Variants in PTK2 observed in about 807,000 individuals in gnomAD.
The protein encoded by PTK2 is protein tyrosine kinase 2.
Under a neutral mutation model 150.1 loss-of-function variants are expected in PTK2, and 45 were observed. The ratio of observed to expected loss-of-function variants is 0.30; its 90% CI spans 0.24 to 0.38. PTK2 has a LOEUF of 0.38. PTK2 is among the 10% of genes least tolerant of loss of function. The pLI, the probability that PTK2 is intolerant of heterozygous loss-of-function variation, is 1.00. For missense variants in PTK2, 919 were observed against 1,307.3 expected (o/e 0.70, Z 4.58); for synonymous variants, 432 against 449.2 (o/e 0.96, Z 0.48).
At chr8:140,953,820 C>T (rs181835056) in intron 1 of PTK2, among the ~76,000 whole-genome samples, 1 of 152,288 alleles carries the variant, frequency 6.6e-6, no homozygotes, top group Non-Finnish European at 1.5e-5. Flanking sequence ...GACTCTTGCT[C>T]TGTCACTCAG....
chr8:140,821,643 G>A (rs941587086), intron 8 of PTK2: 2 of 152,226 alleles, frequency 1.3e-5, no homozygotes, highest in African/African-American at 2.4e-5. Context: ...ACCAGCTGAA[G>A]TATTTAAATA....
intron 31 of PTK2, among the ~76,000 whole-genome samples, chr8:140,660,934 T>C (rs1446515867): frequency 1.3e-5 from 2 of 152,216 alleles, no homozygotes; most frequent in African/African-American, 2.4e-5. Context: ...GGTGCTTGGA[T>C]ACAAGGAGGA....
chr8:140,791,990 AG>A (rs2100088768), intron 13 of PTK2, among the ~76,000 whole-genome samples: 1 of 152,208 alleles, frequency 6.6e-6, no homozygotes, highest in Non-Finnish European at 1.5e-5. Context: ...ATATTTAATT[AG>A]GAAAGCTTCC....
At chr8:140,872,820 G>A (rs549258478) in intron 4 of PTK2, among the ~76,000 whole-genome samples, 67 of 152,322 alleles carry the variant, frequency 4.4e-4, no homozygotes, top group South Asian at 2.1e-4. Flanking sequence ...GTGTCATGCT[G>A]TATGTCATAT....
At chr8:140,749,022 T>C (rs1593617916) in intron 17 of PTK2, among the ~76,000 whole-genome samples, 1 of 152,240 alleles carries the variant, frequency 6.6e-6, no homozygotes, top group African/African-American at 2.4e-5. Context: ...ATAGCTGGTA[T>C]CGCCCATTGT....
intron 10 of PTK2, among the ~76,000 whole-genome samples, chr8:140,809,138 C>T (rs931475697): frequency 6.6e-6 from 1 of 151,808 alleles, no homozygotes; most frequent in African/African-American, 2.4e-5. Flanking sequence ...AAAATGGCCT[C>T]CAAAGTAAAC....
At chr8:140,788,707 C>G (rs2100086456) in intron 14 of PTK2, among the ~76,000 whole-genome samples, 1 of 152,062 alleles carries the variant, frequency 6.6e-6, no homozygotes, top group Non-Finnish European at 1.5e-5. Context: ...TCAAAATAAA[C>G]AGGAATTGGG....
At chr8:140,852,578 A>C (rs2100129984) in intron 5 of PTK2, among the ~76,000 whole-genome samples, 1 of 152,244 alleles carries the variant, frequency 6.6e-6, no homozygotes, top group South Asian at 2.1e-4. Context: ...GACTGTATAC[A>C]ATTGTCAAAA....
At chr8:140,910,405 G>A (rs879687072) in intron 2 of PTK2, among the ~76,000 whole-genome samples, 8 of 151,626 alleles carry the variant, frequency 5.3e-5, no homozygotes, top group East Asian at 1.9e-4. Flanking sequence ...TCAAAACTTC[G>A]TACATAATTT....
chr8:140,963,729 C>G (rs187166543), intron 1 of PTK2, among the ~76,000 whole-genome samples: 1 of 152,126 alleles, frequency 6.6e-6, no homozygotes, highest in African/African-American at 2.4e-5. Context: ...AACTGTGTTC[C>G]CTATTCTGCT....
intron 7 of PTK2, among the ~76,000 whole-genome samples, chr8:140,837,986 C>T (rs1012684324): frequency 4.7e-5 from 7 of 149,788 alleles, no homozygotes; most frequent in Admixed American, 4.7e-4. Context: ...TGCTTGAATC[C>T]AGGAGGAGGA....
chr8:140,773,590 T>C (rs1188700504), intron 14 of PTK2, among the ~76,000 whole-genome samples: 3 of 151,956 alleles, frequency 2.0e-5, no homozygotes, highest in Non-Finnish European at 4.4e-5. Context: ...GAGGTCAGTG[T>C]GAACACGTGC....
At chr8:140,734,730 G>A (rs368264059) in intron 22 of PTK2, 213 of 517,948 alleles carry the variant, frequency 4.1e-4, no homozygotes, top group Admixed American at 9.9e-4. Context: ...TCTCTCTTTC[G>A]GGGCAGGGTT....
At chr8:140,802,149 C>T (rs2100095451) in intron 11 of PTK2, among the ~76,000 whole-genome samples, 1 of 151,534 alleles carries the variant, frequency 6.6e-6, no homozygotes, top group Non-Finnish European at 1.5e-5. Flanking sequence ...CAGAAAGTGG[C>T]ACTGTTCTCA....
chr8:140,999,389 C>A (rs2100199115), intron 1 of PTK2, among the ~76,000 whole-genome samples: 2 of 152,312 alleles, frequency 1.3e-5, no homozygotes, highest in Non-Finnish European at 1.5e-5. Flanking sequence ...TAATATTGAT[C>A]TTGTTGTTTC....
chr8:140,990,685 G>T (rs1415208809), intron 1 of PTK2, among the ~76,000 whole-genome samples: 1 of 152,058 alleles, frequency 6.6e-6, no homozygotes, highest in Non-Finnish European at 1.5e-5. Context: ...ATTGTTTTTA[G>T]ATTACATTAT....
chr8:140,771,605 G>A (rs574930922), intron 14 of PTK2, among the ~76,000 whole-genome samples: 2 of 152,066 alleles, frequency 1.3e-5, no homozygotes, highest in Non-Finnish European at 2.9e-5. Context: ...GCATACTCAC[G>A]GGGTATCATA....
intron 5 of PTK2, among the ~76,000 whole-genome samples, chr8:140,853,196 T>C (rs200815325): frequency 1.3e-5 from 2 of 151,414 alleles, no homozygotes; most frequent in Non-Finnish European, 2.9e-5. Context: ...TCACACTCTT[T>C]TTTTTTTTTA....
At chr8:140,669,304 T>TAC (rs2094286798) in intron 29 of PTK2, 2 of 8,584 alleles carry the variant, frequency 2.3e-4, no homozygotes, top group African/African-American at 3.1e-4. Context: ...TAAAATGGTA[T>TAC]ATATATATAT....
Sources: allele counts gnomAD v4.1 joint callset (sites outside exome capture counted in the v4.1 genomes callset), GRCh38; gene constraint gnomAD v4.1.1; transcripts MANE v1.5; gene names NCBI Gene and HGNC (gene_info 2026-07-23, HGNC 2026-07-21).